The following COL5A1 variants were observed in gnomAD, a reference collection of about 807,000 sequenced individuals.
COL5A1 encodes collagen type V alpha 1 chain, also known as collagen alpha-1(V) chain.
COL5A1 carries 16 observed loss-of-function variants against 263.7 expected under a neutral mutation model. That is an observed-to-expected ratio of 0.06 (90% CI 0.04 to 0.09). COL5A1 has a LOEUF of 0.09. COL5A1 is among the 10% of genes least tolerant of loss of function. The pLI, the probability that COL5A1 is intolerant of heterozygous loss-of-function variation, is 1.00. For missense variants in COL5A1, 2,036 were observed against 2,540.5 expected, an observed-to-expected ratio of 0.80 and a Z score of 4.27; for synonymous variants, 1,012 against 1,004.5, an observed-to-expected ratio of 1.01 and a Z score of -0.14.
rs371129001 is a variant in COL5A1 at position 134,789,262 on chromosome 9, A to G, written c.2700+54A>G. 76 of 1,485,988 alleles carry G rather than the reference A, an allele frequency of 5.1e-5. No individual in the cohort carries two copies. In the Middle Eastern group the frequency reaches 1.2e-3, roughly 24 times the overall value. The allele number at this position is 1,485,988 out of a possible 1,614,324, so 92.1% of individuals were successfully genotyped here. On this transcript the variant is annotated intron_variant, in intron 32 of 65. Coordinates refer to ENST00000371817, the MANE Select transcript of COL5A1 (RefSeq NM_000093.5). This position sits in a 1 kb window ranked among gnomAD's most constrained non-coding sequence, Gnocchi z 4.8. ...AGCTTGTTCGGCTGCCTCGGTGCCT[A>G]GCAAGTTGGTTCTCCAGCCGACGGC...
chr9:134,699,194 T>A (rs1051019299), intron 2 of COL5A1, among the ~76,000 whole-genome samples: 2 of 152,220 alleles, frequency 1.3e-5, no homozygotes, highest in African/African-American at 4.8e-5. Context: ...TGGAGTGGGC[T>A]TAGGTGCTTG....
intron 1 of COL5A1, among the ~76,000 whole-genome samples, chr9:134,662,989 A>G (rs1219006287): frequency 6.6e-6 from 1 of 152,230 alleles, no homozygotes; most frequent in Non-Finnish European, 1.5e-5. Flanking sequence ...TACTAAAAAT[A>G]CTGCCTTTGC....
At chr9:134,736,313 G>A (rs1463483117) in intron 9 of COL5A1, among the ~76,000 whole-genome samples, 1 of 152,262 alleles carries the variant, frequency 6.6e-6, no homozygotes, top group Non-Finnish European at 1.5e-5. Context: ...CATATAGAGG[G>A]ACCACATCTG....
At chr9:134,679,846 A>G (rs1832802469) in intron 1 of COL5A1, among the ~76,000 whole-genome samples, 3 of 151,880 alleles carry the variant, frequency 2.0e-5, no homozygotes, top group African/African-American at 7.3e-5. Flanking sequence ...GCGAGGCCCC[A>G]CTGCCAATAT....
rs539729458 is a variant in COL5A1, at chr9:134,844,600, C to T, written c.*2297C>T. ...CTCTCAATATATATAATTGGACAAACGCTGGCAAAAAGAAAAAAATGGTAA... is the reference window on the plus strand; with the variant it reads ...CTCTCAATATATATAATTGGACAAATGCTGGCAAAAAGAAAAAAATGGTAA... On this transcript the variant is annotated 3_prime_UTR_variant, in exon 66 of 66. Transcript: ENST00000371817. 14 of 152,072 alleles carry T rather than the reference C, an allele frequency of 9.2e-5. No individual in the cohort carries two copies. Among genetic ancestry groups the T allele is most frequent in the East Asian group, 7.7e-4 (4 of 5,184 alleles). 9.4% of individuals were successfully genotyped at this position (152,072 alleles called of 1,614,324 possible).
intron 11 of COL5A1, among the ~76,000 whole-genome samples, chr9:134,746,985 C>G (rs1279411702): frequency 1.3e-5 from 2 of 152,196 alleles, no homozygotes; most frequent in African/African-American, 4.8e-5. Context: ...TGTCTTTCAG[C>G]CCAGGGGTCA....
chr9:134,765,063 T>C lies in COL5A1; in HGVS notation c.2035-618T>C, dbSNP rs1588523402. Among the ~76,000 whole-genome samples the C allele has an allele frequency of 6.6e-6, 1 of 151,714 alleles. No individual in the cohort carries two copies. The highest frequency in any genetic ancestry group is 1.5e-5 in the Non-Finnish European group (1 of 67,902). Reference sequence around the variant, plus strand: ...TCCCGGAATCTCACTCCACCTGCGGTAAAGGGGAGGTTCTGCACGAGCCTC... The same window carrying C: ...TCCCGGAATCTCACTCCACCTGCGGCAAAGGGGAGGTTCTGCACGAGCCTC... On this transcript the variant is annotated intron_variant, in intron 20 of 65. Coordinates refer to ENST00000371817, the MANE Select transcript of COL5A1 (RefSeq NM_000093.5). This position sits in a 1 kb window ranked among gnomAD's most constrained non-coding sequence, Gnocchi z 5.1.
chr9:134,825,945 G>A (rs560180283), intron 63 of COL5A1, 41 bp downstream of exon 63: 18 of 1,346,434 alleles, frequency 1.3e-5, no homozygotes, highest in Admixed American at 1.0e-4. Context: ...CGGGGCAGGC[G>A]TCACAGACAG....
chr9:134,773,278 C>A (rs1014426902), intron 26 of COL5A1, among the ~76,000 whole-genome samples: 3 of 152,230 alleles, frequency 2.0e-5, no homozygotes, highest in Non-Finnish European at 4.4e-5. Flanking sequence ...ACACTGTGAG[C>A]GGCTTGTGGT....
At chr9:134,800,283 C>T (rs1026238080) in intron 37 of COL5A1, among the ~76,000 whole-genome samples, 2 of 150,414 alleles carry the variant, frequency 1.3e-5, no homozygotes, top group African/African-American at 5.0e-5. Context: ...GATCTCCCTT[C>T]AGGCTCTTGA....
intron 9 of COL5A1, among the ~76,000 whole-genome samples, chr9:134,733,150 A>G (rs1301960319): frequency 6.6e-6 from 1 of 152,142 alleles, no homozygotes; most frequent in Non-Finnish European, 1.5e-5. Flanking sequence ...AGCTCAGGAT[A>G]CACCTTGGGT....
At chr9:134,772,538 G>A (rs766424935) in intron 25 of COL5A1, among the ~76,000 whole-genome samples, 14 of 152,242 alleles carry the variant, frequency 9.2e-5, no homozygotes, top group Non-Finnish European at 1.6e-4. Context: ...CCTTGGCCGG[G>A]GTTGGGCCAG....
intron 18 of COL5A1, among the ~76,000 whole-genome samples, chr9:134,759,872 G>GCA (rs1392088057): frequency 1.9e-5 from 1 of 53,196 alleles, no homozygotes; most frequent in African/African-American, 8.8e-5. Context: ...ACTCACACAT[G>GCA]CACACACACC....
At position 134,798,458 on chromosome 9, in the gene COL5A1, G is replaced by A. The variant is rs767422693; in HGVS notation, c.2949G>A (p.Glu983=). 1 of 1,614,112 alleles carries A rather than the reference G, an allele frequency of 6.2e-7. No homozygotes were observed. Among genetic ancestry groups the A allele is most frequent in the South Asian group, 1.1e-5 (1 of 91,084 alleles). The change falls in exon 37 of 66, where the codon GAG becomes GAA. Residue 983 remains glutamate, a synonymous_variant. Coordinates refer to ENST00000371817, the MANE Select transcript of COL5A1 (RefSeq NM_000093.5). ...CAGGACACCCTGGACAGAGAGGCGAGACTGTGAGTATCGAGGGTGCTGGGG... is the reference window on the plus strand; with the variant it reads ...CAGGACACCCTGGACAGAGAGGCGAAACTGTGAGTATCGAGGGTGCTGGGG... ...GLPGHPGQRG[E]TGFQGKTGPP...
intron 65 of COL5A1, among the ~76,000 whole-genome samples, chr9:134,835,626 A>G (rs967189180): frequency 6.6e-6 from 1 of 152,192 alleles, no homozygotes; most frequent in Non-Finnish European, 1.5e-5. Context: ...GTCTGGAAAC[A>G]CTGCAGACAG....
chr9:134,744,629 ACACT>A (rs1384160604), intron 11 of COL5A1, among the ~76,000 whole-genome samples: 4 of 151,914 alleles, frequency 2.6e-5, no homozygotes, highest in Non-Finnish European at 4.4e-5. Context: ...ACTCATGCAC[ACACT>A]CACCCAGACA....
rs2132523101 is a variant in COL5A1, at chr9:134,677,189, CT to C, written c.110-13722del. Among the ~76,000 whole-genome samples the C allele has an allele frequency of 6.6e-6, 1 of 152,244 alleles. No homozygotes were observed. Among genetic ancestry groups the C allele is most frequent in the South Asian group, 2.1e-4 (1 of 4,826 alleles). ...GAAGGAACAGTGTCTCTGCTGGATG[CT>C]ACCTTGAATATTCAGAATAACTTAC... On this transcript the variant is annotated intron_variant, in intron 1 of 65. Transcript: ENST00000371817. The surrounding 1 kb of genome is among the most constrained non-coding windows in gnomAD (Gnocchi z 4.4).
In COL5A1 at chr9:134,701,225, C is replaced by G; in HGVS notation, c.546C>G (p.Asp182Glu). 6.2e-7 allele frequency: 1 copy of G among 1,614,032 alleles called. No homozygotes were observed. The highest frequency in any genetic ancestry group is 2.2e-5 in the East Asian group (1 of 44,882). Residue 182 changes from aspartate to glutamate, a missense_variant, in exon 4 of 66, where the codon GAC becomes GAG. Asp to Glu is a conservative substitution (Grantham distance 45). Transcript: ENST00000371817. ...VHKKNVTLILDCKKKTTKFLD... is the reference protein window; with the variant it reads ...VHKKNVTLILECKKKTTKFLD... ...AGAAAAATGTCACCTTGATCCTCGA[C>G]TGTAAAAAGAAGACCACCAAATTCC...
chr9:134,793,092 A>G (rs1182853329), intron 32 of COL5A1, among the ~76,000 whole-genome samples: 1 of 151,992 alleles, frequency 6.6e-6, no homozygotes, highest in Non-Finnish European at 1.5e-5. Flanking sequence ...GCTGAAGCCA[A>G]AGGAAGAGGA....
Sources: allele counts gnomAD v4.1 joint callset (sites outside exome capture counted in the v4.1 genomes callset), GRCh38; gene constraint gnomAD v4.1.1; non-coding constraint Gnocchi (gnomAD v3.1); transcripts MANE v1.5; gene names NCBI Gene and HGNC (gene_info 2026-07-23, HGNC 2026-07-21).